The following TPRN variants were observed in gnomAD, a reference collection of about 807,000 sequenced individuals.
The protein encoded by TPRN is taperin, also known as chromosome 9 open reading frame 75.
A neutral mutation model predicts 42.6 loss-of-function variants in TPRN; 32 were observed. That is an observed-to-expected ratio of 0.75 (90% CI 0.57 to 1.01). The LOEUF is 1.01. TPRN is among the 50% of genes least tolerant of loss of function. The probability of loss-of-function intolerance (pLI) is 0.00; values close to 1 mark genes in which losing one functional copy is unlikely to be tolerated. For missense variants in TPRN, 1,095 were observed against 957.5 expected, an observed-to-expected ratio of 1.14 and a Z score of -1.90; for synonymous variants, 541 against 445.6, an observed-to-expected ratio of 1.21 and a Z score of -2.70.
At chr9:137,195,121 G>GCCCCGC (rs1278934813) in intron 1 of TPRN, 2 of 152,644 alleles carry the variant, frequency 1.3e-5, no homozygotes, top group Non-Finnish European at 2.9e-5. Flanking sequence ...GCTGAGCCCA[G>GCCCCGC]CCCCGCCTCT....
rs139972044 is a variant in TPRN at position 137,199,455 on chromosome 9, C to A, written c.1257G>T (p.Pro419=). 3 of 1,604,196 alleles carry A rather than the reference C, an allele frequency of 1.9e-6. No homozygotes were observed. Among genetic ancestry groups the A allele is most frequent in the Non-Finnish European group, 2.6e-6 (3 of 1,176,146 alleles). Residue 419 remains proline, a synonymous_variant, in exon 1 of 4, where the codon CCG becomes CCT. Coordinates refer to ENST00000409012, the MANE Select transcript of TPRN (RefSeq NM_001128228.3). ...RAIRWQRPSS[P]PPFLPAASEE... is the part of the protein sequence containing the mutation. ...CCGAAGCAGCCGGCAGGAAGGGGGG[C>A]GGTGAGGACGGCCTCTGCCACCTAA...
chr9:137,195,487 C>T (rs1177917058), intron 1 of TPRN, among the ~76,000 whole-genome samples: 1 of 152,232 alleles, frequency 6.6e-6, no homozygotes, highest in African/African-American at 2.4e-5. Flanking sequence ...TCTGCCTGCA[C>T]AGGGGTAGAG....
chr9:137,200,006 TG>T lies in TPRN; in HGVS notation c.705del (p.Asn236ThrfsTer214). On this transcript the variant is annotated frameshift_variant, in exon 1 of 4. Coordinates refer to ENST00000409012, the MANE Select transcript of TPRN (RefSeq NM_001128228.3). LOFTEE classifies it high-confidence loss of function. The surrounding 1 kb of genome is among the most constrained non-coding windows in gnomAD (Gnocchi z 4.3). The stretch of plus-strand genomic sequence containing the variant: ...CCAGGCGGGGAGCCCGCGAGGCGGT[TG>T]GCAGGGCCGGCCCGGGGCTCAGGGG... ...HSAPEPRAGP[A>X]NRLAGSPPGS... is the part of the protein sequence containing the mutation. The T allele has an allele frequency of 6.9e-7, 1 of 1,444,406 alleles. No homozygotes were observed. The highest frequency in any genetic ancestry group is 9.1e-7 in the Non-Finnish European group (1 of 1,104,670). The allele number at this position is 1,444,406 out of a possible 1,614,324, so 89.5% of individuals were successfully genotyped here. A position where few individuals can be genotyped will look rare whatever the true frequency, so the allele number is the denominator to read the frequency against.
At position 137,192,571 on chromosome 9, in the gene TPRN, C is replaced by T. The variant is rs745831260; in HGVS notation, c.1846G>A (p.Glu616Lys). 5 of 1,612,170 alleles carry T rather than the reference C, an allele frequency of 3.1e-6. No individual in the cohort carries two copies. Among genetic ancestry groups the T allele is most frequent in the Non-Finnish European group, 3.4e-6 (4 of 1,179,358 alleles). ...CCGGATCCCTCTTCCTCCTCTTCCT[C>T]TTCCTCCTCCTCCTCCTCCTCCTCC... ...QEEEEEEEEE[E>K]EEEEEGSGSE... is the part of the protein sequence containing the mutation. The change falls in exon 2 of 4, where the codon GAG becomes AAG. Residue 616 changes from glutamate to lysine, a missense_variant. Glu to Lys is a moderately conservative substitution (Grantham distance 56, BLOSUM62 1). Coordinates refer to ENST00000409012, the MANE Select transcript of TPRN (RefSeq NM_001128228.3).
rs1305994227 is a variant in TPRN at position 137,199,111 on chromosome 9, G to A, written c.1601C>T (p.Ala534Val). 1 of 1,613,106 alleles carries A rather than the reference G, an allele frequency of 6.2e-7. No individual in the cohort carries two copies. Among genetic ancestry groups the A allele is most frequent in the Admixed American group, 1.7e-5 (1 of 59,998 alleles). The change falls in exon 1 of 4, where the codon GCT becomes GTT. Residue 534 changes from alanine to valine, a missense_variant. By Grantham distance (64) the Ala-to-Val change is moderately conservative (BLOSUM62 0). Coordinates refer to ENST00000409012, the MANE Select transcript of TPRN (RefSeq NM_001128228.3). The stretch of plus-strand genomic sequence containing the variant: ...CAACGTGGGCCCCAGGAGGCAACTA[G>A]CCTCCTCCTCCTCGGCCTCCCGTGG... ...PRPREAEEEEASCLLGPTLKK... is the reference protein window; with the variant it reads ...PRPREAEEEEVSCLLGPTLKK...
rs371416998 is a variant in TPRN, at chr9:137,192,090, C to T, written c.*22G>A. ...CGGGACTCCCACAGCTGGGCTCAGCCTTGGTCCTGGCAGTGCTGGGCTCAG... is the reference window on the plus strand; with the variant it reads ...CGGGACTCCCACAGCTGGGCTCAGCTTTGGTCCTGGCAGTGCTGGGCTCAG... On this transcript the variant is annotated 3_prime_UTR_variant, in exon 4 of 4. Coordinates refer to ENST00000409012, the MANE Select transcript of TPRN (RefSeq NM_001128228.3). 1 of 1,611,164 alleles carries T rather than the reference C, an allele frequency of 6.2e-7. No individual in the cohort carries two copies. Among genetic ancestry groups the T allele is most frequent in the Non-Finnish European group, 8.5e-7 (1 of 1,179,970 alleles).
chr9:137,195,752 G>A (rs773595119), intron 1 of TPRN, among the ~76,000 whole-genome samples: 3 of 152,278 alleles, frequency 2.0e-5, no homozygotes, highest in Non-Finnish European at 1.5e-5. Context: ...GGAAGGGGCC[G>A]CCAGACAGGT....
At chr9:137,197,972 G>A (rs930611156) in intron 1 of TPRN, among the ~76,000 whole-genome samples, 7 of 152,198 alleles carry the variant, frequency 4.6e-5, no homozygotes, top group African/African-American at 1.2e-4. Context: ...GGCCAATCCC[G>A]GGCAGGAAGC....
In TPRN at chr9:137,200,210, G is replaced by A. The variant is rs1313218015; in HGVS notation, c.502C>T (p.Arg168Trp). ...GGGCTGGGGGCCGCGGGCGGGGGCC[G>A]GGGCGGCGCGGGCGGCGGCGGCGGC... ...PPPPPPPAPP[R>W]PPPAAPSPPA... Residue 168 changes from arginine to tryptophan, a missense_variant, in exon 1 of 4, where the codon CGG becomes TGG. Transcript: ENST00000409012. The surrounding 1 kb of genome is among the most constrained non-coding windows in gnomAD (Gnocchi z 4.3). The A allele has an allele frequency of 2.3e-5, 22 of 951,954 alleles. No individual in the cohort carries two copies. Among genetic ancestry groups the A allele is most frequent in the South Asian group, 4.8e-5 (1 of 20,644 alleles). 59.0% of individuals were successfully genotyped at this position (951,954 alleles called of 1,614,324 possible). A position where few individuals can be genotyped will look rare whatever the true frequency, so the allele number is the denominator to read the frequency against.
chr9:137,192,758 G>A lies in TPRN; in HGVS notation c.1726-67C>T, dbSNP rs989075355. On this transcript the variant is annotated intron_variant, in intron 1 of 3. Coordinates refer to ENST00000409012, the MANE Select transcript of TPRN (RefSeq NM_001128228.3). Reference sequence around the variant, plus strand: ...TGGGCACAGTGATGCCAGGGGCTCAGGTTCAGCCCTCAGGATGAGGCTGAC... The same window carrying A: ...TGGGCACAGTGATGCCAGGGGCTCAAGTTCAGCCCTCAGGATGAGGCTGAC... 10 of 1,570,452 alleles carry A rather than the reference G, an allele frequency of 6.4e-6. No individual in the cohort carries two copies. In the African/African-American group the frequency reaches 1.1e-4, roughly 17 times the overall value.
At chr9:137,193,196 G>A in intron 1 of TPRN, 2 of 175,174 alleles carry the variant, frequency 1.1e-5, no homozygotes, top group East Asian at 1.5e-4. Flanking sequence ...TCATGTCCTG[G>A]CTTACTGGAT....
At chr9:137,192,986 G>A (rs1426786935) in intron 1 of TPRN, 3 of 471,368 alleles carry the variant, frequency 6.4e-6, no homozygotes, top group Admixed American at 3.6e-5. Context: ...CCAGCTCCTG[G>A]AGCTACCATC....
In TPRN at chr9:137,200,359, A is replaced by G; in HGVS notation, c.353T>C (p.Ile118Thr). The G allele has an allele frequency of 9.5e-7, 1 of 1,047,672 alleles. No individual in the cohort carries two copies. The highest frequency in any genetic ancestry group is 1.1e-6 in the Non-Finnish European group (1 of 878,042). The allele number at this position is 1,047,672 out of a possible 1,614,324, so 64.9% of individuals were successfully genotyped here. Residue 118 changes from isoleucine to threonine, a missense_variant, in exon 1 of 4, where the codon ATC becomes ACC. Transcript: ENST00000409012. This position sits in a 1 kb window ranked among gnomAD's most constrained non-coding sequence, Gnocchi z 4.3. Reference sequence around the variant, plus strand: ...GTACACCAGCACCTCGGCGGCGCGGATCTGCGCGGCCCCCGGGGCGGGCGG... The same window carrying G: ...GTACACCAGCACCTCGGCGGCGCGGGTCTGCGCGGCCCCCGGGGCGGGCGG... ...PAPPAPGAAQ[I>T]RAAEVLVYGA...
Position 137,200,677 on chromosome 9 carries a change from C to A in TPRN, c.35G>T (p.Arg12Leu). Residue 12 changes from arginine (R) to leucine (L), a missense_variant, in exon 1 of 4, where the codon CGC becomes CTC. Transcript: ENST00000409012. This position sits in a 1 kb window ranked among gnomAD's most constrained non-coding sequence, Gnocchi z 4.3. ...AALGRPGSGP[R>L]AAVPAWKREI... ...ACGCTTCCAAGCGGGCACCGCAGCG[C>A]GCGGCCCCGAGCCCGGCCGCCCCAG... The A allele has an allele frequency of 8.1e-7, 1 of 1,229,108 alleles. No homozygotes were observed. The highest frequency in any genetic ancestry group is 1.0e-6 in the Non-Finnish European group (1 of 974,162). 76.1% of individuals were successfully genotyped at this position (1,229,108 alleles called of 1,614,324 possible).
At chr9:137,194,621 C>A (rs1834679681) in intron 1 of TPRN, 1 of 152,366 alleles carries the variant, frequency 6.6e-6, no homozygotes, top group East Asian at 1.9e-4. Flanking sequence ...GCACATGGGC[C>A]CTGAGCCTGG....
intron 1 of TPRN, among the ~76,000 whole-genome samples, chr9:137,196,485 G>A (rs1226490050): frequency 1.3e-5 from 2 of 152,210 alleles, no homozygotes; most frequent in African/African-American, 4.8e-5. Context: ...TACTTGAGAG[G>A]CTGAGGCAGG....
chr9:137,198,204 G>C (rs544638456), intron 1 of TPRN, among the ~76,000 whole-genome samples: 2 of 152,320 alleles, frequency 1.3e-5, no homozygotes, highest in African/African-American at 4.8e-5. Flanking sequence ...ACCGCAGACC[G>C]GGAAGTCACA....
chr9:137,200,572 C>A lies in TPRN; in HGVS notation c.140G>T (p.Arg47Leu). 1 of 1,150,900 alleles carries A rather than the reference C, an allele frequency of 8.7e-7. No homozygotes were observed. 71.3% of individuals were successfully genotyped at this position (1,150,900 alleles called of 1,614,324 possible). The change falls in exon 1 of 4, where the codon CGG becomes CTG. Residue 47 changes from arginine (R) to leucine (L), a missense_variant. Arg to Leu is a moderately radical substitution (Grantham distance 102). Transcript: ENST00000409012. This position sits in a 1 kb window ranked among gnomAD's most constrained non-coding sequence, Gnocchi z 4.3. Reference protein sequence around the residue: ...AGPGAAEPEQRVLAESLGPLR... With the variant: ...AGPGAAEPEQLVLAESLGPLR... ...CGGGCCCAGGCTCTCGGCCAGCACC[C>A]GCTGCTCGGGCTCCGCCGCCCCGGG... is the stretch of plus-strand genomic sequence containing the variant.
rs1266313902 is a variant in TPRN at position 137,200,475 on chromosome 9, C to T, written c.237G>A (p.Leu79=). ...CAGGCACGCGGCGGTACCGCTCCAG[C>T]AGCCGCGCCCCCGCCGCGCCCCCGC... The part of the protein sequence containing the change: ...RRGGGAAGAR[L]LERYRRVPGV... Residue 79 remains leucine (L), a synonymous_variant, in exon 1 of 4, where the codon CTG becomes CTA. Coordinates refer to ENST00000409012, the MANE Select transcript of TPRN (RefSeq NM_001128228.3). This position sits in a 1 kb window ranked among gnomAD's most constrained non-coding sequence, Gnocchi z 4.3. The T allele has an allele frequency of 1.8e-6, 2 of 1,119,498 alleles. No individual in the cohort carries two copies. The highest frequency in any genetic ancestry group is 2.2e-6 in the Non-Finnish European group (2 of 917,858). The allele number at this position is 1,119,498 out of a possible 1,614,324, so 69.3% of individuals were successfully genotyped here.
Sources: gnomAD v4.1 joint callset for allele counts (sites outside exome capture counted in the v4.1 genomes callset) on GRCh38, gnomAD v4.1.1 for gene constraint, Gnocchi (gnomAD v3.1) non-coding constraint, MANE v1.5 for transcripts, NCBI Gene and HGNC (gene_info 2026-07-23, HGNC 2026-07-21) for gene names.